The following ADGRL3 variants were observed in gnomAD, a reference collection of about 807,000 sequenced individuals.
The protein encoded by ADGRL3 is calcium-independent alpha-latrotoxin receptor 3.
In ADGRL3, 62 loss-of-function variants were observed where a neutral mutation model predicts 153.5. The ratio of observed to expected loss-of-function variants is 0.40; its 90% CI spans 0.33 to 0.50. The LOEUF is 0.50. Ranked by LOEUF, ADGRL3 falls within the 20% of genes least tolerant of loss-of-function variation. The probability of loss-of-function intolerance (pLI) is 0.47; values close to 1 mark genes in which losing one functional copy is unlikely to be tolerated. For missense variants in ADGRL3, 1,641 were observed against 1,859.4 expected, an observed-to-expected ratio of 0.88 and a Z score of 2.16; for synonymous variants, 710 against 672.5, an observed-to-expected ratio of 1.06 and a Z score of -0.86.
intron 17 of ADGRL3, among the ~76,000 whole-genome samples, chr4:61,954,389 G>C (rs192902308): frequency 6.6e-6 from 1 of 151,986 alleles, no homozygotes; most frequent in East Asian, 1.9e-4. Context: ...ACTGCTGTCT[G>C]TTTCCCTCTT....
chr4:61,794,012 C>T (rs571849267), intron 8 of ADGRL3, among the ~76,000 whole-genome samples: 1 of 152,170 alleles, frequency 6.6e-6, no homozygotes, highest in African/African-American at 2.4e-5. Flanking sequence ...ATGACCAGTA[C>T]ATTGAATCAT....
rs1406140001 is a variant in ADGRL3 at position 62,059,950 on chromosome 4, C to T, written c.3815-8216C>T. On this transcript the variant is annotated intron_variant, in intron 25 of 26. Coordinates refer to ENST00000683033, the MANE Select transcript of ADGRL3 (RefSeq NM_001387552.1). ...ACCTACACAAAAACTGAAAAGGAAA[C>T]TTATGCCAGGATAGATATAACCACA... Among the ~76,000 whole-genome samples the T allele has an allele frequency of 2.0e-5, 3 of 152,176 alleles. No individual in the cohort carries two copies. In the East Asian group the frequency reaches 5.8e-4, roughly 29 times the overall value.
intron 5 of ADGRL3, among the ~76,000 whole-genome samples, chr4:61,656,210 G>A (rs958180027): frequency 2.0e-5 from 3 of 152,108 alleles, no homozygotes; most frequent in African/African-American, 7.2e-5. Context: ...CTATCTTTTG[G>A]TGCTATCACA....
At chr4:61,583,636 T>C (rs1481444810) in intron 4 of ADGRL3, 1 of 517,328 alleles carries the variant, frequency 1.9e-6, no homozygotes, top group Admixed American at 1.9e-5. Context: ...TCTGAGGTTC[T>C]GACATCTTTA....
intron 2 of ADGRL3, among the ~76,000 whole-genome samples, chr4:61,393,874 G>C (rs1452177398): frequency 6.6e-6 from 1 of 152,020 alleles, no homozygotes; most frequent in South Asian, 2.1e-4. Context: ...TAAGACCTCG[G>C]CTGTGTTGTG....
At chr4:61,580,210 A>G (rs2098918031) in intron 4 of ADGRL3, among the ~76,000 whole-genome samples, 1 of 152,146 alleles carries the variant, frequency 6.6e-6, no homozygotes, top group African/African-American at 2.4e-5. Context: ...CAAATAGTTT[A>G]ATTAACTACT....
intron 5 of ADGRL3, among the ~76,000 whole-genome samples, chr4:61,613,668 T>C (rs6835465): frequency 0.94 from 143,582 of 152,216 alleles, 67,890 homozygotes; most frequent in Middle Eastern, 0.99. Flanking sequence ...CTCTTGAACC[T>C]GGGAGGCAGA....
chr4:61,549,879 A>G (rs906146419), intron 4 of ADGRL3, among the ~76,000 whole-genome samples: 1 of 152,016 alleles, frequency 6.6e-6, no homozygotes. Context: ...TCTTTCAGCA[A>G]CATATTGATA....
intron 8 of ADGRL3, among the ~76,000 whole-genome samples, chr4:61,771,204 C>T (rs1485619870): frequency 6.6e-6 from 1 of 152,102 alleles, no homozygotes; most frequent in Non-Finnish European, 1.5e-5. Context: ...ATGGAATTTT[C>T]CACTGTGGGC....
chr4:61,808,660 A>T (rs960613852), intron 8 of ADGRL3, among the ~76,000 whole-genome samples: 5 of 152,178 alleles, frequency 3.3e-5, no homozygotes, highest in African/African-American at 1.2e-4. Flanking sequence ...GACAAAAAAA[A>T]TCAAGCTGTT....
At chr4:61,483,053 A>G (rs1224979824) in intron 2 of ADGRL3, among the ~76,000 whole-genome samples, 2 of 152,160 alleles carry the variant, frequency 1.3e-5, no homozygotes, top group Non-Finnish European at 2.9e-5. Context: ...ATGCAGTGTA[A>G]AGAATTCTAA....
At chr4:61,991,319 G>A (rs538907148) in intron 19 of ADGRL3, among the ~76,000 whole-genome samples, 6 of 151,738 alleles carry the variant, frequency 4.0e-5, no homozygotes, top group Non-Finnish European at 7.4e-5. Flanking sequence ...CTTGTGTCAC[G>A]GGGGCTTCTT....
At chr4:61,233,152 A>T (rs866123765) in intron 1 of ADGRL3, among the ~76,000 whole-genome samples, 1 of 152,204 alleles carries the variant, frequency 6.6e-6, no homozygotes, top group South Asian at 2.1e-4. Context: ...TACCCTAGTA[A>T]TAATAATAAC....
At chr4:61,460,749 C>G (rs1349672414) in intron 2 of ADGRL3, among the ~76,000 whole-genome samples, 1 of 152,018 alleles carries the variant, frequency 6.6e-6, no homozygotes, top group Non-Finnish European at 1.5e-5. Context: ...AGAGAGAAGC[C>G]AAGCAAAAGG....
At chr4:61,320,292 T>A (rs1157724593) in intron 1 of ADGRL3, among the ~76,000 whole-genome samples, 1 of 152,232 alleles carries the variant, frequency 6.6e-6, no homozygotes, top group African/African-American at 2.4e-5. Flanking sequence ...TAAGGATCCT[T>A]GTTAACAACT....
intron 4 of ADGRL3, among the ~76,000 whole-genome samples, chr4:61,532,555 C>CGCGTGTGT (rs760218872): frequency 5.2e-4 from 69 of 131,462 alleles, no homozygotes; most frequent in Admixed American, 2.5e-3. Flanking sequence ...CGCGCGCGCG[C>CGCGTGTGT]GTGTGTGTGT....
chr4:61,506,999 C>T (rs2098435046), intron 3 of ADGRL3, among the ~76,000 whole-genome samples: 1 of 152,124 alleles, frequency 6.6e-6, no homozygotes, highest in Non-Finnish European at 1.5e-5. Flanking sequence ...ATTACTGATT[C>T]TCTCCAAGCT....
At chr4:61,300,500 A>G (rs2094545420) in intron 1 of ADGRL3, among the ~76,000 whole-genome samples, 1 of 152,216 alleles carries the variant, frequency 6.6e-6, no homozygotes, top group South Asian at 2.1e-4. Context: ...AGGCCATGAC[A>G]TACTTGAAAG....
At chr4:61,436,998 C>G (rs1390866916) in intron 2 of ADGRL3, among the ~76,000 whole-genome samples, 1 of 151,942 alleles carries the variant, frequency 6.6e-6, no homozygotes, top group Non-Finnish European at 1.5e-5. Flanking sequence ...AACATAATAG[C>G]CCTTACCAAC....
Sources: gnomAD v4.1 joint callset for allele counts (sites outside exome capture counted in the v4.1 genomes callset) on GRCh38, gnomAD v4.1.1 for gene constraint, MANE v1.5 for transcripts, NCBI Gene and HGNC (gene_info 2026-07-23, HGNC 2026-07-21) for gene names.